Variants in WASF1 observed in about 807,000 individuals in gnomAD.
The protein encoded by WASF1 is WASP family member 1.
In WASF1, 7 loss-of-function variants were observed where a neutral mutation model predicts 50.5. That is an observed-to-expected ratio of 0.14 (90% CI 0.08 to 0.26). The LOEUF is 0.26. Ranked by LOEUF, WASF1 falls within the 10% of genes least tolerant of loss-of-function variation. The probability of loss-of-function intolerance (pLI) is 1.00; values close to 1 mark genes in which losing one functional copy is unlikely to be tolerated. For synonymous variants in WASF1, 205 were observed against 244.0 expected, an observed-to-expected ratio of 0.84 and a Z score of 1.49; for missense variants, 470 against 694.7, an observed-to-expected ratio of 0.68 and a Z score of 3.64.
chr6:110,119,517 A>G (rs1399833101), intron 4 of WASF1, among the ~76,000 whole-genome samples: 2 of 152,226 alleles, frequency 1.3e-5, no homozygotes, highest in African/African-American at 4.8e-5. Flanking sequence ...GAATAGACCA[A>G]TAACAGGTTC....
intron 3 of WASF1, among the ~76,000 whole-genome samples, chr6:110,146,184 A>C (rs1775552892): frequency 6.6e-6 from 1 of 152,244 alleles, no homozygotes; most frequent in African/African-American, 2.4e-5. Context: ...ATACTTATTC[A>C]AACTAAAGGA....
At position 110,128,113 on chromosome 6, in the gene WASF1, G is replaced by A. The variant is rs894481538; in HGVS notation, c.-28-484C>T. Among the ~76,000 whole-genome samples the A allele has an allele frequency of 5.3e-5, 8 of 151,970 alleles. No individual in the cohort carries two copies. The East Asian group carries it at 1.5e-3, about 29-fold the overall frequency. On this transcript the variant is annotated intron_variant, in intron 3 of 10. Transcript: ENST00000392589. ...GAGGGTTGGTGCCCCTAATCTCTGG[G>A]TTGTTCAAGGGCCAACTGTATTTGC...
At chr6:110,153,390 C>T (rs1028603247) in intron 3 of WASF1, among the ~76,000 whole-genome samples, 1 of 151,932 alleles carries the variant, frequency 6.6e-6, no homozygotes, top group African/African-American at 2.4e-5. Context: ...ACTAGCTGTA[C>T]AATGTAATGA....
intron 3 of WASF1, among the ~76,000 whole-genome samples, chr6:110,139,424 G>A (rs902957290): frequency 1.8e-4 from 27 of 152,192 alleles, no homozygotes; most frequent in African/African-American, 6.5e-4. Flanking sequence ...CAGCATCTTT[G>A]CAGCAGCTGC....
chr6:110,166,063 CAG>C (rs1027752289), intron 2 of WASF1, among the ~76,000 whole-genome samples: 1 of 151,520 alleles, frequency 6.6e-6, no homozygotes, highest in African/African-American at 2.4e-5. Context: ...GATGGGAAAA[CAG>C]AATCATTCAT....
intron 2 of WASF1, among the ~76,000 whole-genome samples, chr6:110,169,887 GA>G (rs1314800076): frequency 1.3e-5 from 2 of 152,034 alleles, no homozygotes; most frequent in Non-Finnish European, 2.9e-5. Context: ...CCAAAATTAA[GA>G]AACCAAACAG....
chr6:110,108,509 T>C lies in WASF1; in HGVS notation c.422+19A>G. 1.3e-6 allele frequency: 2 copies of C among 1,587,406 alleles called. No homozygotes were observed. Among genetic ancestry groups the C allele is most frequent in the Non-Finnish European group, 1.7e-6 (2 of 1,165,364 alleles). The stretch of plus-strand genomic sequence containing the variant: ...AGTCTGAGATAAATAATAGGGCTAC[T>C]ATTTATTAACCTACCTACCTATAAG... On this transcript the variant is annotated intron_variant, in intron 6 of 10. Coordinates refer to ENST00000392589, the MANE Select transcript of WASF1 (RefSeq NM_003931.3).
intron 3 of WASF1, among the ~76,000 whole-genome samples, chr6:110,146,225 A>C (rs898706969): frequency 4.6e-5 from 7 of 152,346 alleles, no homozygotes; most frequent in African/African-American, 1.4e-4. Context: ...GAACAGGTTA[A>C]AATAAGTATT....
At chr6:110,162,072 T>C (rs768258473) in intron 2 of WASF1, among the ~76,000 whole-genome samples, 2 of 151,496 alleles carry the variant, frequency 1.3e-5, no homozygotes, top group Non-Finnish European at 3.0e-5. Context: ...AAGTACAAAC[T>C]GGGCACTTCA....
At chr6:110,159,226 G>T (rs564892588) in intron 3 of WASF1, among the ~76,000 whole-genome samples, 25 of 151,822 alleles carry the variant, frequency 1.6e-4, no homozygotes, top group African/African-American at 6.0e-4. Flanking sequence ...CACAGGAAAA[G>T]AAAAAAGAGC....
At chr6:110,136,183 C>T (rs535229317) in intron 3 of WASF1, among the ~76,000 whole-genome samples, 1 of 152,118 alleles carries the variant, frequency 6.6e-6, no homozygotes, top group Admixed American at 6.5e-5. Flanking sequence ...TGCGCCCAGC[C>T]AAAATGGTCC....
chr6:110,138,295 A>G (rs1775061649), intron 3 of WASF1, among the ~76,000 whole-genome samples: 1 of 152,250 alleles, frequency 6.6e-6, no homozygotes, highest in African/African-American at 2.4e-5. Flanking sequence ...CAGGAACTGC[A>G]GAGCCCCAAA....
At chr6:110,139,218 G>A (rs1011361847) in intron 3 of WASF1, among the ~76,000 whole-genome samples, 1 of 152,224 alleles carries the variant, frequency 6.6e-6, no homozygotes, top group Non-Finnish European at 1.5e-5. Flanking sequence ...ACCAGGGAGT[G>A]GGAGCAGGCA....
Position 110,105,424 on chromosome 6 carries a change from G to A in WASF1, c.696C>T (p.Ala232=), listed in dbSNP as rs753481851. The A allele has an allele frequency of 1.2e-6, 2 of 1,602,008 alleles. No homozygotes were observed. The highest frequency in any genetic ancestry group is 1.7e-6 in the Non-Finnish European group (2 of 1,175,204). ...HKHIEVANGP[A]SHFETRPQTY... ...AAAGAAACCTTGTTTCAAAATGAGA[G>A]GCTGGGCCATTAGCAACTTCAATAT... The change falls in exon 8 of 11, where the codon GCC becomes GCT. Residue 232 remains alanine, a synonymous_variant. Transcript: ENST00000392589.
chr6:110,114,296 C>T (rs1252930110), intron 4 of WASF1, among the ~76,000 whole-genome samples: 5 of 152,090 alleles, frequency 3.3e-5, no homozygotes, highest in African/African-American at 7.2e-5. Flanking sequence ...CTCTCAAGTA[C>T]AAGAAAGTCA....
At chr6:110,173,215 TAA>T (rs1237723711) in intron 2 of WASF1, among the ~76,000 whole-genome samples, 4 of 152,110 alleles carry the variant, frequency 2.6e-5, no homozygotes, top group Non-Finnish European at 5.9e-5. Flanking sequence ...TCTTTTCAAA[TAA>T]GTTAGTCAAT....
intron 3 of WASF1, among the ~76,000 whole-genome samples, chr6:110,146,570 A>G (rs1486634824): frequency 6.6e-6 from 1 of 151,878 alleles, no homozygotes; most frequent in South Asian, 2.1e-4. Context: ...TTAAAACCAT[A>G]TTTCAATTAT....
At chr6:110,144,640 A>T (rs1478539161) in intron 3 of WASF1, among the ~76,000 whole-genome samples, 1 of 152,176 alleles carries the variant, frequency 6.6e-6, no homozygotes, top group Non-Finnish European at 1.5e-5. Flanking sequence ...TAATTTTTGT[A>T]TAAGGTGTAA....
intron 10 of WASF1, among the ~76,000 whole-genome samples, chr6:110,101,333 T>C (rs1773075531): frequency 6.6e-6 from 1 of 152,306 alleles, no homozygotes; most frequent in African/African-American, 2.4e-5. Context: ...AAGTCTGATA[T>C]ATTAAATTTC....
Sources: gnomAD v4.1 joint callset for allele counts (sites outside exome capture counted in the v4.1 genomes callset) on GRCh38, gnomAD v4.1.1 for gene constraint, MANE v1.5 for transcripts, NCBI Gene and HGNC (gene_info 2026-07-23, HGNC 2026-07-21) for gene names.